PHF14: variants seen among roughly 807,000 people sequenced by gnomAD.
PHF14 encodes PHD finger protein 14.
PHF14 carries 55 observed loss-of-function variants against 117.9 expected under a neutral mutation model. The observed-to-expected ratio is 0.47, with a 90% CI of 0.38 to 0.58. The LOEUF (loss-of-function observed/expected upper bound fraction) is 0.58. PHF14 is among the 20% of genes least tolerant of loss of function. The pLI, the probability that PHF14 is intolerant of heterozygous loss-of-function variation, is 0.00. For synonymous variants in PHF14, 409 were observed against 368.6 expected (o/e 1.11, Z -1.26); for missense variants, 978 against 1,122.2 (o/e 0.87, Z 1.84).
chr7:11,028,495 A>G (rs1312509339), intron 6 of PHF14, among the ~76,000 whole-genome samples, 186 bp from the exon 7 acceptor site: 1 of 152,210 alleles, frequency 6.6e-6, no homozygotes, highest in African/African-American at 2.4e-5. Context: ...TATTTGAACC[A>G]TATAGGTAAT....
chr7:11,035,374 A>G (rs907885958), intron 7 of PHF14, among the ~76,000 whole-genome samples: 3 of 152,164 alleles, frequency 2.0e-5, no homozygotes, highest in African/African-American at 7.2e-5. Flanking sequence ...GTACACCCAA[A>G]TAATACATTA....
chr7:11,052,277 A>G (rs1167329562), intron 14 of PHF14, among the ~76,000 whole-genome samples: 1 of 152,192 alleles, frequency 6.6e-6, no homozygotes, highest in Non-Finnish European at 1.5e-5. Context: ...GACCAAAATT[A>G]TGTTGATTTG....
At chr7:11,013,615 A>T (rs1008747800) in intron 4 of PHF14, 132 bp from the exon 5 acceptor site, 2 of 509,910 alleles carry the variant, frequency 3.9e-6, no homozygotes, top group Admixed American at 3.4e-5. Flanking sequence ...TCTGTATTTT[A>T]ATACGTTTCT....
chr7:11,000,463 C>A (rs896982362), intron 4 of PHF14, among the ~76,000 whole-genome samples: 2 of 150,158 alleles, frequency 1.3e-5, no homozygotes, highest in Non-Finnish European at 3.0e-5. Flanking sequence ...CCTCAGCTTC[C>A]TGTGTAGCTG....
chr7:11,148,233 A>C (rs1358836985), intron 17 of PHF14, among the ~76,000 whole-genome samples: 1 of 152,204 alleles, frequency 6.6e-6, no homozygotes, highest in African/African-American at 2.4e-5. Flanking sequence ...AAAGCAAATC[A>C]TATTATTTAA....
At chr7:11,020,517 T>C (rs946891124) in intron 5 of PHF14, among the ~76,000 whole-genome samples, 1 of 152,112 alleles carries the variant, frequency 6.6e-6, no homozygotes, top group African/African-American at 2.4e-5. Context: ...TAGCTGGGAC[T>C]ACAGGGGCAT....
rs1275081327 is a variant in PHF14, at chr7:11,036,836, T to C, written c.1873+148T>C. The C allele has an allele frequency of 3.1e-6, 3 of 960,354 alleles. No homozygotes were observed. The Admixed American group carries it at 8.6e-5, about 27-fold the overall frequency. 59.5% of individuals were successfully genotyped at this position (960,354 alleles called of 1,614,324 possible). A position where few individuals can be genotyped will look rare whatever the true frequency, so the allele number is the denominator to read the frequency against. On this transcript the variant is annotated intron_variant, in intron 9 of 17. Coordinates refer to ENST00000634607, the MANE Select transcript of PHF14 (RefSeq NM_001007157.2). Reference sequence around the variant, plus strand: ...TATTTTCCTAATATGTTGTGGGTTTTTACAAAATGCTAGGTTCATTTATTT... The same window carrying C: ...TATTTTCCTAATATGTTGTGGGTTTCTACAAAATGCTAGGTTCATTTATTT...
chr7:11,041,001 G>T (rs986837183), intron 12 of PHF14, among the ~76,000 whole-genome samples: 1 of 151,702 alleles, frequency 6.6e-6, no homozygotes, highest in Non-Finnish European at 1.5e-5. Context: ...GTACCCTTTG[G>T]GGAACTGGAA....
intron 17 of PHF14, among the ~76,000 whole-genome samples, chr7:11,142,062 A>AG (rs1406926192): frequency 6.6e-6 from 1 of 151,996 alleles, no homozygotes; most frequent in East Asian, 1.9e-4. Flanking sequence ...TAAATTTCTT[A>AG]GGGGTTTTTG....
chr7:11,153,883 GTATTGTGTCCTCACAT>G lies in PHF14; in HGVS notation c.2773-15529_2773-15514del, dbSNP rs371006629. On this transcript the variant is annotated intron_variant, in intron 17 of 17. Transcript: ENST00000634607. Reference sequence around the variant, plus strand: ...CACAAGATGGCTACAGAGTCTCGAAGTATTGTGTCCTCACATTATAATACATAGAGGCAAGCCTATG... The same window carrying G: ...CACAAGATGGCTACAGAGTCTCGAAGTATAATACATAGAGGCAAGCCTATG... 7.2e-3 allele frequency among the ~76,000 whole-genome samples: 1,093 copies of G among 152,088 alleles called. 17 individuals are homozygous for G. Among genetic ancestry groups the G allele is most frequent in the African/African-American group, 0.025 (1,051 of 41,436 alleles).
intron 5 of PHF14, among the ~76,000 whole-genome samples, chr7:11,021,724 A>C (rs1430241779): frequency 6.6e-6 from 1 of 152,136 alleles, no homozygotes; most frequent in Non-Finnish European, 1.5e-5. Flanking sequence ...ACTCCATAGG[A>C]TGTATTTGGG....
chr7:11,112,755 G>A (rs1331828332), intron 17 of PHF14, among the ~76,000 whole-genome samples: 1 of 151,552 alleles, frequency 6.6e-6, no homozygotes, highest in African/African-American at 2.4e-5. Flanking sequence ...TGGGCGACAG[G>A]GCGAGACTCC....
Position 10,974,901 on chromosome 7 carries a change from A to G in PHF14, c.68A>G (p.Tyr23Cys). The change falls in exon 2 of 18, where the codon TAT (tyrosine) becomes TGT (cysteine). Residue 23 changes from tyrosine to cysteine, a missense_variant. Tyr to Cys is a radical substitution (Grantham distance 194, BLOSUM62 -2). Around this residue, in one of 7 missense-constraint regions of PHF14, gnomAD observed 414 missense variants for 376.4 expected, o/e 1.10. Transcript: ENST00000634607. ...LAASLLEALD[Y>C]DSSDDSDFKV... ...GCTTCTCTGCTGGAAGCTCTTGATT[A>G]TGATAGTTCAGATGACAGTGATTTT... 1.3e-6 allele frequency: 2 copies of G among 1,590,608 alleles called. No individual in the cohort carries two copies. Among genetic ancestry groups the G allele is most frequent in the Non-Finnish European group, 8.6e-7 (1 of 1,166,210 alleles).
At chr7:11,028,929 G>A in intron 7 of PHF14, 111 bp downstream of exon 7, 1 of 916,376 alleles carries the variant, frequency 1.1e-6, no homozygotes, top group East Asian at 2.9e-5. Context: ...TATTCTTAAA[G>A]TTCTTGCCAA....
At chr7:11,163,181 T>C (rs2128357588) in intron 17 of PHF14, among the ~76,000 whole-genome samples, 1 of 152,334 alleles carries the variant, frequency 6.6e-6, no homozygotes, top group South Asian at 2.1e-4. Context: ...TTCTACTTAA[T>C]GATATATGTG....
chr7:11,105,080 C>T, intron 16 of PHF14: 3 of 935,566 alleles, frequency 3.2e-6, no homozygotes, highest in Non-Finnish European at 3.8e-6. Flanking sequence ...ATTTTAGATA[C>T]AGAAAGAAAT....
intron 16 of PHF14, among the ~76,000 whole-genome samples, chr7:11,074,561 C>G (rs181162032): frequency 2.0e-5 from 3 of 152,282 alleles, no homozygotes; most frequent in Non-Finnish European, 4.4e-5. Context: ...GATTCATAGG[C>G]TGTTATAAGC....
chr7:11,045,916 G>C (rs1052819400), intron 13 of PHF14, among the ~76,000 whole-genome samples: 3 of 152,190 alleles, frequency 2.0e-5, no homozygotes, highest in Admixed American at 6.5e-5. Flanking sequence ...AGAATGTTTA[G>C]TGCATAAGTA....
At chr7:11,124,407 A>G (rs1787860112) in intron 17 of PHF14, among the ~76,000 whole-genome samples, 1 of 152,176 alleles carries the variant, frequency 6.6e-6, no homozygotes, top group African/African-American at 2.4e-5. Flanking sequence ...AATTTCTTAT[A>G]CAAATATACT....
Sources: allele counts gnomAD v4.1 joint callset (sites outside exome capture counted in the v4.1 genomes callset), GRCh38; gene constraint gnomAD v4.1.1; regional missense constraint gnomAD v4.1.1; transcripts MANE v1.5; gene names NCBI Gene and HGNC (gene_info 2026-07-23, HGNC 2026-07-21).